LAMB1: variants seen among roughly 807,000 people sequenced by gnomAD.
LAMB1 encodes the protein laminin subunit beta 1.
In LAMB1, 121 loss-of-function variants were observed where a neutral mutation model predicts 222.3. That is an observed-to-expected ratio of 0.54 (90% CI 0.47 to 0.63). LAMB1 has a LOEUF of 0.63. LAMB1 is among the 30% of genes least tolerant of loss of function. The pLI, the probability that LAMB1 is intolerant of heterozygous loss-of-function variation, is 0.00. For synonymous variants in LAMB1, 794 were observed against 807.2 expected (o/e 0.98, Z 0.28); for missense variants, 2,172 against 2,240.8 (o/e 0.97, Z 0.62).
chr7:107,969,454 C>G (rs2033701587), intron 13 of LAMB1, among the ~76,000 whole-genome samples: 1 of 152,158 alleles, frequency 6.6e-6, no homozygotes, highest in South Asian at 2.1e-4. Context: ...TAATAACCAA[C>G]CACAGTGTTC....
At chr7:108,002,565 G>T (rs2034412124) in intron 2 of LAMB1, among the ~76,000 whole-genome samples, 1 of 152,216 alleles carries the variant, frequency 6.6e-6, no homozygotes, top group Non-Finnish European at 1.5e-5. Context: ...GAAACCCAGG[G>T]TGAACCGGCC....
chr7:107,991,485 G>A (rs1381174510), intron 5 of LAMB1, among the ~76,000 whole-genome samples: 1 of 152,026 alleles, frequency 6.6e-6, no homozygotes, highest in African/African-American at 2.4e-5. Context: ...TACTTGGGGG[G>A]CTGAGGCAGG....
At chr7:108,002,767 C>T (rs966344237) in intron 2 of LAMB1, 82 bp downstream of exon 2, 14 of 1,588,110 alleles carry the variant, frequency 8.8e-6, no homozygotes, top group Non-Finnish European at 1.0e-5. Context: ...CAGGATCCCA[C>T]GAAGGTGAGC....
Position 107,964,621 on chromosome 7 carries a change from C to A in LAMB1, c.1629G>T (p.Val543=), listed in dbSNP as rs1274785415. The A allele has an allele frequency of 1.2e-6, 2 of 1,614,146 alleles. No homozygotes were observed. The highest frequency in any genetic ancestry group is 1.7e-5 in the Admixed American group (1 of 60,016). ...PHMIGRQCNE[V]EPGYYFATLD... Reference sequence around the variant, plus strand: ...GGGTGGCAAAGTAGTAACCAGGTTCCACTTCGTTGCACTGACGTCCAATCA... The same window carrying A: ...GGGTGGCAAAGTAGTAACCAGGTTCAACTTCGTTGCACTGACGTCCAATCA... Residue 543 remains valine (V), a synonymous_variant, in exon 14 of 34, where the codon GTG becomes GTT. Transcript: ENST00000222399.
intron 27 of LAMB1, 48 bp from the exon 28 acceptor site, chr7:107,932,425 CTGCAGCAAAACAGCTG>C: frequency 6.3e-7 from 1 of 1,594,506 alleles, no homozygotes; most frequent in Non-Finnish European, 8.6e-7. Context: ...AGTGAATCTG[CTGCAGCAAAACAGCTG>C]TGCAGGGCCT....
Position 107,975,688 on chromosome 7 carries a change from C to T in LAMB1, c.1189+1G>A, listed in dbSNP as rs896288259. ...ACAGTGAGTGACATTTCTCAACATA[C>T]GTTCACAGAAATTAGGATCTCGGAT... On this transcript the variant is annotated splice_donor_variant, in intron 10 of 33. Coordinates refer to ENST00000222399, the MANE Select transcript of LAMB1 (RefSeq NM_002291.3). LOFTEE classifies it high-confidence loss of function. 1 of 1,608,736 alleles carries T rather than the reference C, an allele frequency of 6.2e-7. No homozygotes were observed. Among genetic ancestry groups the T allele is most frequent in the African/African-American group, 1.3e-5 (1 of 74,812 alleles).
At chr7:107,924,442 ACATTT>A in intron 32 of LAMB1, 53 bp from the exon 33 acceptor site, 1 of 1,409,562 alleles carries the variant, frequency 7.1e-7, no homozygotes, top group Non-Finnish European at 9.7e-7. Flanking sequence ...GTCAGTAATT[ACATTT>A]AAGAGCAATA....
chr7:107,949,816 A>G (rs998995523), intron 24 of LAMB1, among the ~76,000 whole-genome samples: 3 of 152,230 alleles, frequency 2.0e-5, no homozygotes, highest in Non-Finnish European at 4.4e-5. Context: ...TGCACCCTGA[A>G]GGAACACAGT....
chr7:107,938,659 C>G lies in LAMB1; in HGVS notation c.3761+1330G>C, dbSNP rs867506522. Among the ~76,000 whole-genome samples the G allele has an allele frequency of 3.3e-5, 5 of 152,140 alleles. 1 individual carries two copies. The highest frequency in any genetic ancestry group is 6.5e-5 in the Admixed American group (1 of 15,276). On this transcript the variant is annotated intron_variant, in intron 25 of 33. Coordinates refer to ENST00000222399, the MANE Select transcript of LAMB1 (RefSeq NM_002291.3). ...GATTTTTTTCTTCCTCCCAGAGATGCCTAAGACCCAGGCCAAGGATCATTT... is the reference window on the plus strand; with the variant it reads ...GATTTTTTTCTTCCTCCCAGAGATGGCTAAGACCCAGGCCAAGGATCATTT...
Position 107,961,436 on chromosome 7 carries a change from G to A in LAMB1, c.1986-107C>T, listed in dbSNP as rs1316649569. On this transcript the variant is annotated intron_variant, in intron 16 of 33. Transcript: ENST00000222399. ...GCATCGATAATTCCAAAGGAAAAAAGTCAGCAGTCAACGTCTGGCTCTGAA... is the reference window on the plus strand; with the variant it reads ...GCATCGATAATTCCAAAGGAAAAAAATCAGCAGTCAACGTCTGGCTCTGAA... The A allele has an allele frequency of 2.5e-6, 4 of 1,570,532 alleles. No homozygotes were observed. In the African/African-American group the frequency reaches 5.5e-5, roughly 21 times the overall value.
rs761067703 is a variant in LAMB1, at chr7:107,960,631, A to G, written c.2128T>C (p.Cys710Arg). 2 of 1,614,212 alleles carry G rather than the reference A, an allele frequency of 1.2e-6. No individual in the cohort carries two copies. Among genetic ancestry groups the G allele is most frequent in the South Asian group, 2.2e-5 (2 of 91,086 alleles). ...LIDSLVLMPYCKSLDIFTVGG... is the reference protein window; with the variant it reads ...LIDSLVLMPYRKSLDIFTVGG... ...ACGGTGAAGATGTCCAGTGATTTAC[A>G]GTATGGCATGAGAACAAGCTGTGAA... Residue 710 changes from cysteine to arginine, a missense_variant, in exon 18 of 34, where the codon TGT (cysteine) becomes CGT (arginine). Coordinates refer to ENST00000222399, the MANE Select transcript of LAMB1 (RefSeq NM_002291.3).
In LAMB1 at chr7:107,935,625, C is replaced by G; in HGVS notation, c.3978G>C (p.Gln1326His). 6.2e-7 allele frequency: 1 copy of G among 1,613,990 alleles called. No homozygotes were observed. Residue 1326 changes from glutamine (Q) to histidine (H), a missense_variant, in exon 27 of 34, where the codon CAG (glutamine) becomes CAC (histidine). Coordinates refer to ENST00000222399, the MANE Select transcript of LAMB1 (RefSeq NM_002291.3). ...CCCTCTCCTCTGCCTCAAGAGACAT[C>G]TGGAAATACTTGGTAATGCTATCCA... The part of the protein sequence containing the change: ...GALDSITKYF[Q>H]MSLEAEERVN...
intron 5 of LAMB1, 136 bp downstream of exon 5, chr7:107,994,751 C>T: frequency 1.9e-6 from 1 of 532,814 alleles, no homozygotes; most frequent in East Asian, 2.8e-5. Flanking sequence ...TTAAAAACTG[C>T]TCAATTACCC....
chr7:107,997,814 T>C (rs558562096), intron 4 of LAMB1, among the ~76,000 whole-genome samples: 3 of 152,200 alleles, frequency 2.0e-5, no homozygotes, highest in Non-Finnish European at 4.4e-5. Flanking sequence ...AAAAAGGGTG[T>C]AATTCATGCA....
chr7:107,992,033 C>T (rs2034193921), intron 5 of LAMB1, among the ~76,000 whole-genome samples: 1 of 152,008 alleles, frequency 6.6e-6, no homozygotes, highest in Non-Finnish European at 1.5e-5. Context: ...TTCTACTTTC[C>T]TTTCCTTTCC....
At chr7:107,936,813 A>C (rs1398434801) in intron 26 of LAMB1, among the ~76,000 whole-genome samples, 1 of 111,568 alleles carries the variant, frequency 9.0e-6, no homozygotes, top group Non-Finnish European at 2.0e-5. Context: ...TTAAACTACT[A>C]ACTGGAGGGA....
intron 32 of LAMB1, 113 bp downstream of exon 32, chr7:107,926,070 T>G: frequency 1.3e-6 from 1 of 766,080 alleles, no homozygotes; most frequent in Non-Finnish European, 2.2e-6. Flanking sequence ...TCATTTGATA[T>G]TTCTGATGAA....
intron 3 of LAMB1, 145 bp from the exon 4 acceptor site, chr7:107,998,637 T>C (rs2034325232): frequency 3.1e-6 from 2 of 638,546 alleles, no homozygotes; most frequent in Admixed American, 3.1e-5. Flanking sequence ...TTAGGAGATT[T>C]GTATCACATC....
chr7:107,932,119 T>G, intron 28 of LAMB1, 55 bp downstream of exon 28: 2 of 1,478,126 alleles, frequency 1.4e-6, no homozygotes, highest in Non-Finnish European at 1.9e-6. Flanking sequence ...GATCCTTTAG[T>G]CCACAGCTGA....
Sources: allele counts gnomAD v4.1 joint callset (sites outside exome capture counted in the v4.1 genomes callset), GRCh38; gene constraint gnomAD v4.1.1; transcripts MANE v1.5; gene names NCBI Gene and HGNC (gene_info 2026-07-23, HGNC 2026-07-21).